Variants in PCSK6 observed in about 807,000 individuals in gnomAD.
PCSK6 encodes paired basic amino acid cleaving enzyme 4.
In PCSK6, 85 loss-of-function variants were observed where a neutral mutation model predicts 123.3. The observed-to-expected ratio is 0.69, with a 90% CI of 0.58 to 0.83. The LOEUF is 0.83. PCSK6 is among the 40% of genes least tolerant of loss of function. The pLI, the probability that PCSK6 is intolerant of heterozygous loss-of-function variation, is 0.00. For synonymous variants in PCSK6, 508 were observed against 516.0 expected, an observed-to-expected ratio of 0.98 and a Z score of 0.21; for missense variants, 1,191 against 1,282.3, an observed-to-expected ratio of 0.93 and a Z score of 1.09.
rs548542291 is a variant in PCSK6 at position 101,385,428 on chromosome 15, G to A, written c.1311-1003C>T. Among the ~76,000 whole-genome samples the A allele has an allele frequency of 5.9e-5, 9 of 152,290 alleles. No individual in the cohort carries two copies. In the East Asian group the frequency reaches 1.7e-3, roughly 29 times the overall value. ...CCAGGAACGGGTTACATTGCCTGGA[G>A]GTGCTGAACTTGGTCCTGTCTATTC... is the stretch of plus-strand genomic sequence containing the variant. On this transcript the variant is annotated intron_variant, in intron 9 of 21. Transcript: ENST00000611716.
At chr15:101,393,476 T>G in intron 7 of PCSK6, 52 bp from the exon 8 acceptor site, 1 of 1,460,738 alleles carries the variant, frequency 6.8e-7, no homozygotes, top group Non-Finnish European at 9.3e-7. Context: ...CCTCGTAGGG[T>G]GGGTCTCCCC....
intron 6 of PCSK6, among the ~76,000 whole-genome samples, chr15:101,411,102 A>G (rs1468529709): frequency 6.6e-6 from 1 of 152,240 alleles, no homozygotes; most frequent in African/African-American, 2.4e-5. Flanking sequence ...AGATCAGCAC[A>G]GACGAGCTGT....
At chr15:101,355,607 C>A (rs1397463832) in intron 13 of PCSK6, among the ~76,000 whole-genome samples, 2 of 152,238 alleles carry the variant, frequency 1.3e-5, no homozygotes, top group African/African-American at 4.8e-5. Flanking sequence ...CGGCATGGGG[C>A]AGGTGTGCAG....
chr15:101,484,527 T>C (rs2057971831), intron 1 of PCSK6, among the ~76,000 whole-genome samples: 1 of 152,198 alleles, frequency 6.6e-6, no homozygotes, highest in Admixed American at 6.5e-5. Flanking sequence ...TAGCTGGCAT[T>C]ACAGGCGTGC....
intron 18 of PCSK6, among the ~76,000 whole-genome samples, chr15:101,322,060 T>C (rs2040136543): frequency 6.6e-6 from 1 of 152,122 alleles, no homozygotes; most frequent in Non-Finnish European, 1.5e-5. Flanking sequence ...GGGCTGAGCC[T>C]GATGAACAGG....
rs2039684133 is a variant in PCSK6 at position 101,304,743 on chromosome 15, T to C, written c.*515A>G. ...ACATTTTATGCCCTCAAACCTATCT[T>C]ATTTATAGTCTGACCAAACCGTCCC... On this transcript the variant is annotated 3_prime_UTR_variant, in exon 22 of 22. Transcript: ENST00000611716. 1 of 153,570 alleles carries C rather than the reference T, an allele frequency of 6.5e-6. No homozygotes were observed. The highest frequency in any genetic ancestry group is 2.4e-5 in the African/African-American group (1 of 41,434). 9.5% of individuals were successfully genotyped at this position (153,570 alleles called of 1,614,324 possible).
intron 13 of PCSK6, among the ~76,000 whole-genome samples, chr15:101,336,457 G>A (rs1178278756): frequency 2.0e-5 from 3 of 152,186 alleles, no homozygotes; most frequent in African/African-American, 4.8e-5. Context: ...CAAAAGGAAC[G>A]GGCTCCCTTG....
At chr15:101,405,162 G>A (rs187026762) in intron 6 of PCSK6, among the ~76,000 whole-genome samples, 1 of 152,222 alleles carries the variant, frequency 6.6e-6, no homozygotes, top group East Asian at 1.9e-4. Context: ...AAATGTGAAT[G>A]GCTCTCTGGA....
chr15:101,429,656 C>T (rs1266577628), intron 5 of PCSK6, among the ~76,000 whole-genome samples: 3 of 152,244 alleles, frequency 2.0e-5, no homozygotes, highest in African/African-American at 7.2e-5. Context: ...GCTGTCTTCA[C>T]ACAGCAGGTC....
chr15:101,339,317 C>T (rs938394067), intron 13 of PCSK6, among the ~76,000 whole-genome samples: 1 of 152,148 alleles, frequency 6.6e-6, no homozygotes, highest in Non-Finnish European at 1.5e-5. Context: ...TTAATTGAAA[C>T]ACAGTGAAGT....
At chr15:101,431,602 A>G in intron 3 of PCSK6, 139 bp from the exon 4 acceptor site, 2 of 1,008,182 alleles carry the variant, frequency 2.0e-6, no homozygotes, top group South Asian at 2.7e-5. Context: ...CTTACATAGC[A>G]GAGCTCCTCT....
At chr15:101,309,316 C>T (rs867703744) in intron 20 of PCSK6, among the ~76,000 whole-genome samples, 37 of 152,330 alleles carry the variant, frequency 2.4e-4, no homozygotes, top group African/African-American at 8.7e-4. Context: ...CCAGTGCAGA[C>T]GGCTCTCCCT....
chr15:101,389,369 G>A, intron 9 of PCSK6, 95 bp downstream of exon 9: 1 of 934,460 alleles, frequency 1.1e-6, no homozygotes, highest in Non-Finnish European at 1.8e-6. Flanking sequence ...CCGCTGAGCT[G>A]TCCACTTCAA....
intron 7 of PCSK6, among the ~76,000 whole-genome samples, chr15:101,395,860 C>A (rs892367319): frequency 3.9e-5 from 6 of 152,156 alleles, no homozygotes; most frequent in Non-Finnish European, 7.3e-5. Context: ...ATGGTCCCTT[C>A]TGAATAACTA....
intron 11 of PCSK6, among the ~76,000 whole-genome samples, chr15:101,379,790 C>T (rs909822039): frequency 2.6e-5 from 4 of 152,192 alleles, no homozygotes; most frequent in African/African-American, 7.2e-5. Context: ...GGGGAAAACT[C>T]GCATAGCTGT....
intron 11 of PCSK6, among the ~76,000 whole-genome samples, chr15:101,376,811 C>A (rs1347353226): frequency 2.6e-5 from 4 of 152,156 alleles, no homozygotes; most frequent in African/African-American, 9.7e-5. Context: ...CTGTGGTTAC[C>A]CCCAGGGCGG....
At chr15:101,419,520 T>C (rs1346624980) in intron 6 of PCSK6, among the ~76,000 whole-genome samples, 1 of 138,158 alleles carries the variant, frequency 7.2e-6, no homozygotes, top group Non-Finnish European at 1.5e-5. Flanking sequence ...GCAATCCCAA[T>C]CAAAATCCCA....
At chr15:101,426,092 A>C (rs914413192) in intron 6 of PCSK6, among the ~76,000 whole-genome samples, 1 of 152,210 alleles carries the variant, frequency 6.6e-6, no homozygotes, top group East Asian at 1.9e-4. Flanking sequence ...AGCAAGGCTC[A>C]AGCAACTCCA....
intron 13 of PCSK6, among the ~76,000 whole-genome samples, chr15:101,339,655 G>T (rs897018036): frequency 6.6e-6 from 1 of 152,214 alleles, no homozygotes; most frequent in Middle Eastern, 3.4e-3. Context: ...GCTTGTGATC[G>T]CAGAGCTTTG....
Sources: gnomAD v4.1 joint callset for allele counts (sites outside exome capture counted in the v4.1 genomes callset) on GRCh38, gnomAD v4.1.1 for gene constraint, MANE v1.5 for transcripts, NCBI Gene and HGNC (gene_info 2026-07-23, HGNC 2026-07-21) for gene names.